KANSL3: variants seen among roughly 807,000 people sequenced by gnomAD.
The protein encoded by KANSL3 is KAT8 regulatory NSL complex subunit 3, also known as NSL complex protein NSL3.
KANSL3 carries 16 observed loss-of-function variants against 89.2 expected under a neutral mutation model. The observed-to-expected ratio is 0.18, with a 90% CI of 0.12 to 0.27. The LOEUF (loss-of-function observed/expected upper bound fraction) is 0.27. Among genes scored for constraint, KANSL3 ranks in the 10% least tolerant of loss-of-function variants. The pLI, the probability that KANSL3 is intolerant of heterozygous loss-of-function variation, is 1.00. For missense variants in KANSL3, 879 were observed against 1,110.6 expected, an observed-to-expected ratio of 0.79 and a Z score of 2.96; for synonymous variants, 385 against 419.7, an observed-to-expected ratio of 0.92 and a Z score of 1.01.
chr2:96,596,097 G>C (rs541731599), intron 20 of KANSL3, among the ~76,000 whole-genome samples: 30 of 152,340 alleles, frequency 2.0e-4, no homozygotes, highest in Non-Finnish European at 4.0e-4. Context: ...CGTGACTTCT[G>C]ATTTTGAGGC....
At chr2:96,619,798 C>G (rs563057692) in intron 3 of KANSL3, 36 bp from the exon 4 acceptor site, 1 of 1,467,422 alleles carries the variant, frequency 6.8e-7, no homozygotes, top group African/African-American at 1.4e-5. Flanking sequence ...TAGTCAAACC[C>G]TGGGGACGCT....
At chr2:96,628,268 G>C (rs2072760478) in intron 3 of KANSL3, 1 of 985,294 alleles carries the variant, frequency 1.0e-6, no homozygotes, top group Non-Finnish European at 1.2e-6. Context: ...GAAATAAAAT[G>C]GTTTTCCAGA....
downstream of KANSL3, among the ~76,000 whole-genome samples, chr2:96,589,271 G>C (rs990484508): frequency 6.6e-6 from 1 of 152,118 alleles, no homozygotes; most frequent in Non-Finnish European, 1.5e-5. Context: ...AATGATATTG[G>C]TATAGAAGAA....
chr2:96,612,283 T>C lies in KANSL3; in HGVS notation c.1085A>G (p.His362Arg). The C allele has an allele frequency of 6.2e-7, 1 of 1,608,464 alleles. No individual in the cohort carries two copies. The highest frequency in any genetic ancestry group is 8.5e-7 in the Non-Finnish European group (1 of 1,174,800). Residue 362 changes from histidine (H) to arginine (R), a missense_variant and splice_region_variant, in exon 9 of 21, where the codon CAT (histidine) becomes CGT (arginine). Transcript: ENST00000431828. The stretch of plus-strand genomic sequence containing the variant: ...CCAAATAAGATAGAAATTACTTACA[T>C]GACAGGCCACCAAAGCTCCTGTGTT... The part of the protein sequence containing the change: ...GWNTGALVAC[H>R]VSVMEYVTAV...
At chr2:96,627,668 C>T (rs2072608693) in intron 3 of KANSL3, among the ~76,000 whole-genome samples, 1 of 149,476 alleles carries the variant, frequency 6.7e-6, no homozygotes, top group South Asian at 2.1e-4. Context: ...AGGGAGCCGA[C>T]CTACACCGTT....
At position 96,609,580 on chromosome 2, in the gene KANSL3, T is replaced by C; in HGVS notation, c.1320-18A>G. 1.2e-6 allele frequency: 2 copies of C among 1,604,628 alleles called. No individual in the cohort carries two copies. The highest frequency in any genetic ancestry group is 1.7e-6 in the Non-Finnish European group (2 of 1,171,346). On this transcript the variant is annotated intron_variant, in intron 11 of 20. Coordinates refer to ENST00000431828, the MANE Select transcript of KANSL3 (RefSeq NM_001115016.3). ...TGCTTATTCTAAGAAACAAAAAGGATGACATGTTTACTTCTTACACATTGC... is the reference window on the plus strand; with the variant it reads ...TGCTTATTCTAAGAAACAAAAAGGACGACATGTTTACTTCTTACACATTGC...
intron 14 of KANSL3, among the ~76,000 whole-genome samples, chr2:96,607,763 C>T (rs1045454709): frequency 1.2e-4 from 18 of 152,198 alleles, no homozygotes; most frequent in Non-Finnish European, 1.9e-4. Flanking sequence ...ATCCCCTCCA[C>T]GTCTGTCTGC....
chr2:96,589,660 G>C (rs1441933459), downstream of KANSL3, among the ~76,000 whole-genome samples: 1 of 152,102 alleles, frequency 6.6e-6, no homozygotes, highest in Non-Finnish European at 1.5e-5. Context: ...AAATCAGCAA[G>C]GATATACAAG....
the KANSL3 span, among the ~76,000 whole-genome samples, chr2:96,582,667 T>C: frequency 6.6e-6 from 1 of 152,248 alleles, no homozygotes; most frequent in Non-Finnish European, 1.5e-5. Context: ...TCAGTCTCAA[T>C]TGATTGCCTT....
In KANSL3 at chr2:96,619,530, T is replaced by G. The variant is rs375190719; in HGVS notation, c.492A>C (p.Pro164=). ...RLANEGACNE[P]VLRRVAVDKC... ...TGTCCACAGCAACACGGCGCAGCAC[T>G]GGCTCATTACAAGCCTGAAGGATGT... The change falls in exon 5 of 21, where the codon CCA becomes CCC. Residue 164 remains proline (P), a synonymous_variant. Transcript: ENST00000431828. The G allele has an allele frequency of 3.7e-6, 6 of 1,613,550 alleles. No individual in the cohort carries two copies. Among genetic ancestry groups the G allele is most frequent in the East Asian group, 2.2e-5 (1 of 44,882 alleles).
rs2066350463 is a variant in KANSL3 at position 96,593,545 on chromosome 2, T to C, written c.*2066A>G. The C allele has an allele frequency of 1.2e-5, 4 of 334,938 alleles. No homozygotes were observed. Among genetic ancestry groups the C allele is most frequent in the South Asian group, 2.4e-5 (1 of 41,494 alleles). 20.7% of individuals were successfully genotyped at this position (334,938 alleles called of 1,614,324 possible). On this transcript the variant is annotated 3_prime_UTR_variant, in exon 21 of 21. Coordinates refer to ENST00000431828, the MANE Select transcript of KANSL3 (RefSeq NM_001115016.3). The stretch of plus-strand genomic sequence containing the variant: ...CACTTCCTCTGTTACCCTGTGCAAG[T>C]TGTAGAACAATCCACGTTCTCACAG...
chr2:96,618,051 G>A (rs2070528111), intron 5 of KANSL3, among the ~76,000 whole-genome samples: 1 of 151,592 alleles, frequency 6.6e-6, no homozygotes, highest in Non-Finnish European at 1.5e-5. Context: ...CCCAGTACTT[G>A]GGAGGCTGAG....
chr2:96,613,470 C>T lies in KANSL3; in HGVS notation c.795+18G>A. On this transcript the variant is annotated intron_variant, in intron 6 of 20. Transcript: ENST00000431828. ...AATTTTTATGTACCATTGTTAAGTCCTGAGCCATCCAACTTACTGGTTTGT... is the reference window on the plus strand; with the variant it reads ...AATTTTTATGTACCATTGTTAAGTCTTGAGCCATCCAACTTACTGGTTTGT... 6.2e-7 allele frequency: 1 copy of T among 1,611,708 alleles called. No homozygotes were observed. Among genetic ancestry groups the T allele is most frequent in the Non-Finnish European group, 8.5e-7 (1 of 1,178,456 alleles).
chr2:96,619,579 G>A (rs776719408), intron 4 of KANSL3, 35 bp from the exon 5 acceptor site: 7 of 1,611,036 alleles, frequency 4.3e-6, no homozygotes, highest in South Asian at 1.1e-5. Context: ...AAAACATGAG[G>A]ACTACCTGGT....
At chr2:96,596,701 T>A (rs2104838526) in intron 20 of KANSL3, among the ~76,000 whole-genome samples, 1 of 152,364 alleles carries the variant, frequency 6.6e-6, no homozygotes, top group East Asian at 1.9e-4. Flanking sequence ...TGTACACAGA[T>A]GATCACTCTG....
chr2:96,582,523 T>C, the KANSL3 span, among the ~76,000 whole-genome samples: 1 of 152,254 alleles, frequency 6.6e-6, no homozygotes, highest in Non-Finnish European at 1.5e-5. Flanking sequence ...TGGCTTTTTC[T>C]AGTTTGGACT....
the KANSL3 span, among the ~76,000 whole-genome samples, chr2:96,583,444 T>C: frequency 6.6e-6 from 1 of 152,220 alleles, no homozygotes; most frequent in Non-Finnish European, 1.5e-5. Flanking sequence ...ACAGTCTCTC[T>C]CAATCATGAT....
At chr2:96,615,241 A>T (rs2069828996) in intron 5 of KANSL3, 1 of 156,576 alleles carries the variant, frequency 6.4e-6, no homozygotes, top group African/African-American at 2.4e-5. Flanking sequence ...TTTTTCCTTT[A>T]CAGATTTCTA....
intron 3 of KANSL3, among the ~76,000 whole-genome samples, 170 bp downstream of exon 3, chr2:96,631,142 T>C (rs2073309306): frequency 6.6e-6 from 1 of 152,208 alleles, no homozygotes; most frequent in Admixed American, 6.5e-5. Context: ...AGCCCTACTC[T>C]CAAGGAGCTC....
Sources: allele counts gnomAD v4.1 joint callset (sites outside exome capture counted in the v4.1 genomes callset), GRCh38; gene constraint gnomAD v4.1.1; transcripts MANE v1.5; gene names NCBI Gene and HGNC (gene_info 2026-07-23, HGNC 2026-07-21).